The following LINGO2 variants were observed in gnomAD, a reference collection of about 807,000 sequenced individuals.
LINGO2 encodes leucine-rich repeat and immunoglobulin-like domain-containing nogo receptor-interacting protein 2.
A neutral mutation model predicts 30.6 loss-of-function variants in LINGO2; 14 were observed. That is an observed-to-expected ratio of 0.46 (90% confidence interval 0.30 to 0.72). LINGO2 has a LOEUF of 0.72. Among genes scored for constraint, LINGO2 ranks in the 30% least tolerant of loss-of-function variants. LINGO2 has a pLI of 0.07. For synonymous variants in LINGO2, 317 were observed against 288.5 expected (o/e 1.10, Z -1.00); for missense variants, 729 against 751.7 (o/e 0.97, Z 0.35).
chr9:28,558,715 CTGTCAT>C (rs1246692118), intron 1 of LINGO2, among the ~76,000 whole-genome samples: 4 of 151,942 alleles, frequency 2.6e-5, no homozygotes, highest in Non-Finnish European at 1.5e-5. Flanking sequence ...ACTTTCTGCA[CTGTCAT>C]TTTAGCAGAA....
At chr9:29,086,934 C>G in the LINGO2 span, among the ~76,000 whole-genome samples, 3 of 150,816 alleles carry the variant, frequency 2.0e-5, no homozygotes, top group African/African-American at 7.3e-5. Context: ...ACTCTGTCAC[C>G]GCAATGGCAC....
At chr9:28,915,971 T>C in the LINGO2 span, among the ~76,000 whole-genome samples, 1 of 152,108 alleles carries the variant, frequency 6.6e-6, no homozygotes, top group Admixed American at 6.5e-5. Context: ...AAAATAAAGT[T>C]CTAAGCCTTC....
At chr9:28,759,041 T>C in the LINGO2 span, among the ~76,000 whole-genome samples, 1 of 152,126 alleles carries the variant, frequency 6.6e-6, no homozygotes, top group African/African-American at 2.4e-5. Context: ...GCTTTAACAA[T>C]ACTTAAGGTG....
At chr9:28,060,796 C>T (rs1030454670) in intron 4 of LINGO2, among the ~76,000 whole-genome samples, 9 of 152,114 alleles carry the variant, frequency 5.9e-5, no homozygotes, top group African/African-American at 1.9e-4. Flanking sequence ...GACGGAAGTC[C>T]AAAAGGAAAT....
At chr9:28,179,721 A>G (rs1828860924) in intron 4 of LINGO2, among the ~76,000 whole-genome samples, 4 of 145,652 alleles carry the variant, frequency 2.7e-5, no homozygotes, top group South Asian at 2.1e-4. Flanking sequence ...TATATAGAGT[A>G]TATATATAGT....
At chr9:29,067,954 C>T in the LINGO2 span, among the ~76,000 whole-genome samples, 965 of 151,666 alleles carry the variant, frequency 6.4e-3, 14 homozygotes, top group African/African-American at 0.022. Context: ...ATAAGACTAT[C>T]GATTGGGGGA....
At chr9:27,993,067 G>A (rs1001086996) in intron 5 of LINGO2, among the ~76,000 whole-genome samples, 2 of 152,042 alleles carry the variant, frequency 1.3e-5, no homozygotes, top group African/African-American at 2.4e-5. Flanking sequence ...ACTTGACGAT[G>A]GTTAATGCAA....
chr9:28,934,890 C>T, the LINGO2 span, among the ~76,000 whole-genome samples: 1,127 of 152,206 alleles, frequency 7.4e-3, 24 homozygotes, highest in African/African-American at 0.026. Context: ...ATACATACAT[C>T]ATTATAACAG....
chr9:28,720,098 TTG>T, the LINGO2 span, among the ~76,000 whole-genome samples: 1 of 152,046 alleles, frequency 6.6e-6, no homozygotes, highest in South Asian at 2.1e-4. Flanking sequence ...ACAAATTGCA[TTG>T]TGTCATCCCC....
At chr9:28,901,130 A>G in the LINGO2 span, among the ~76,000 whole-genome samples, 6 of 152,296 alleles carry the variant, frequency 3.9e-5, no homozygotes, top group Admixed American at 2.6e-4. Context: ...ATTTCTTACT[A>G]TAAACCTTAT....
the LINGO2 span, among the ~76,000 whole-genome samples, chr9:29,154,068 T>G: frequency 6.6e-6 from 1 of 152,284 alleles, no homozygotes; most frequent in South Asian, 2.1e-4. Context: ...CTTAAGAATT[T>G]TATACTACAC....
At chr9:28,007,513 C>T (rs761342145) in intron 5 of LINGO2, among the ~76,000 whole-genome samples, 17 of 152,180 alleles carry the variant, frequency 1.1e-4, no homozygotes, top group Non-Finnish European at 2.4e-4. Flanking sequence ...AAAATAACCT[C>T]ACTTATCTTT....
chr9:29,211,300 A>C, the LINGO2 span, among the ~76,000 whole-genome samples: 1 of 152,180 alleles, frequency 6.6e-6, no homozygotes, highest in African/African-American at 2.4e-5. Flanking sequence ...TTATTTATTT[A>C]TCTATTGCTT....
chr9:28,909,592 G>A, the LINGO2 span, among the ~76,000 whole-genome samples: 7 of 152,064 alleles, frequency 4.6e-5, no homozygotes, highest in Admixed American at 2.6e-4. Context: ...AACTGTAAAC[G>A]TATGTCAATG....
At chr9:28,764,526 T>A in the LINGO2 span, among the ~76,000 whole-genome samples, 35 of 152,010 alleles carry the variant, frequency 2.3e-4, 1 homozygote, top group South Asian at 6.2e-3. Flanking sequence ...AGGCCATATC[T>A]AAGCCCACAT....
At chr9:28,493,890 C>T (rs1819476247) in intron 1 of LINGO2, among the ~76,000 whole-genome samples, 1 of 152,132 alleles carries the variant, frequency 6.6e-6, no homozygotes, top group African/African-American at 2.4e-5. Context: ...TTCCTGCCAT[C>T]GAACATTGGA....
intron 3 of LINGO2, among the ~76,000 whole-genome samples, chr9:28,336,178 G>A (rs1048832416): frequency 1.3e-5 from 2 of 151,948 alleles, no homozygotes; most frequent in African/African-American, 2.4e-5. Flanking sequence ...GCTCTAAATG[G>A]CTGAACATAA....
At chr9:28,308,933 C>T (rs1824488186) in intron 3 of LINGO2, among the ~76,000 whole-genome samples, 1 of 152,180 alleles carries the variant, frequency 6.6e-6, no homozygotes, top group Non-Finnish European at 1.5e-5. Context: ...CAGGAAACAG[C>T]AGGTGCTGGA....
chr9:28,548,815 C>T (rs1822105433), intron 1 of LINGO2, among the ~76,000 whole-genome samples: 1 of 148,568 alleles, frequency 6.7e-6, no homozygotes, highest in Non-Finnish European at 1.5e-5. Context: ...AAAATGTAGA[C>T]ACATGAAGTT....
Sources: allele counts gnomAD v4.1 joint callset (sites outside exome capture counted in the v4.1 genomes callset), GRCh38; gene constraint gnomAD v4.1.1; transcripts MANE v1.5; gene names NCBI Gene and HGNC (gene_info 2026-07-23, HGNC 2026-07-21).